Variants in EXOC6B observed in about 807,000 individuals in gnomAD.
EXOC6B encodes the protein SEC15 homolog B.
A neutral mutation model predicts 113.5 loss-of-function variants in EXOC6B; 54 were observed. The ratio of observed to expected loss-of-function variants is 0.48; its 90% confidence interval spans 0.38 to 0.60. The LOEUF (loss-of-function observed/expected upper bound fraction) is 0.60. EXOC6B is among the 20% of genes least tolerant of loss of function. The pLI is 0.00. For synonymous variants in EXOC6B, 357 were observed against 339.0 expected, an observed-to-expected ratio of 1.05 and a Z score of -0.58; for missense variants, 797 against 977.5, an observed-to-expected ratio of 0.82 and a Z score of 2.46.
chr2:72,622,723 A>T (rs1166910780), intron 6 of EXOC6B, among the ~76,000 whole-genome samples: 2 of 152,236 alleles, frequency 1.3e-5, no homozygotes, highest in East Asian at 3.9e-4. Context: ...AGTAAAAATT[A>T]AAAAAAGAGG....
At chr2:72,536,907 C>A (rs979998216) in intron 8 of EXOC6B, among the ~76,000 whole-genome samples, 1 of 152,168 alleles carries the variant, frequency 6.6e-6, no homozygotes, top group African/African-American at 2.4e-5. Flanking sequence ...GTATGAAGAA[C>A]CTATCTATGA....
intron 6 of EXOC6B, among the ~76,000 whole-genome samples, chr2:72,591,739 C>T (rs1705980034): frequency 6.6e-6 from 1 of 151,896 alleles, no homozygotes; most frequent in Non-Finnish European, 1.5e-5. Flanking sequence ...GTATTTAGTC[C>T]AGTAAAAATA....
chr2:72,588,264 A>G (rs1011255516), intron 6 of EXOC6B, among the ~76,000 whole-genome samples: 1 of 152,160 alleles, frequency 6.6e-6, no homozygotes, highest in Non-Finnish European at 1.5e-5. Flanking sequence ...AACAGCCAAG[A>G]GGTGAAAGCA....
chr2:72,339,079 G>T (rs149671953), intron 19 of EXOC6B, among the ~76,000 whole-genome samples: 106 of 152,010 alleles, frequency 7.0e-4, no homozygotes, highest in African/African-American at 2.5e-3. Flanking sequence ...GGATTGGTCT[G>T]TAAACCCAAA....
chr2:72,638,172 AT>A (rs1672979716), intron 6 of EXOC6B, among the ~76,000 whole-genome samples: 1 of 152,166 alleles, frequency 6.6e-6, no homozygotes, highest in Non-Finnish European at 1.5e-5. Context: ...AAAAGGAGAC[AT>A]TACAACCATT....
At chr2:72,320,581 TATC>T (rs1212406590) in intron 20 of EXOC6B, among the ~76,000 whole-genome samples, 1 of 152,096 alleles carries the variant, frequency 6.6e-6, no homozygotes, top group Non-Finnish European at 1.5e-5. Flanking sequence ...ACCCAAAACA[TATC>T]ATCATAGACC....
chr2:72,282,525 A>T (rs1297617171), intron 20 of EXOC6B, among the ~76,000 whole-genome samples: 1 of 152,094 alleles, frequency 6.6e-6, no homozygotes, highest in Non-Finnish European at 1.5e-5. Context: ...AAAGGGAGAA[A>T]CAGAAGTAGA....
chr2:72,773,180 G>A (rs1387920921), intron 1 of EXOC6B, among the ~76,000 whole-genome samples: 1 of 131,104 alleles, frequency 7.6e-6, no homozygotes, highest in Non-Finnish European at 1.5e-5. Flanking sequence ...AGGCTGGAGT[G>A]CAGTGGTGCA....
At chr2:72,688,497 C>T (rs1677245936) in intron 6 of EXOC6B, among the ~76,000 whole-genome samples, 1 of 152,006 alleles carries the variant, frequency 6.6e-6, no homozygotes, top group Non-Finnish European at 1.5e-5. Flanking sequence ...TATTTATACA[C>T]CAGCTTCCAT....
chr2:72,275,066 AT>A (rs1326979272), intron 20 of EXOC6B, among the ~76,000 whole-genome samples: 1 of 152,146 alleles, frequency 6.6e-6, no homozygotes, highest in African/African-American at 2.4e-5. Context: ...TGTCAAATAA[AT>A]CGTTTACAGT....
chr2:72,560,667 T>C (rs1358988805), intron 7 of EXOC6B, among the ~76,000 whole-genome samples: 2 of 152,216 alleles, frequency 1.3e-5, no homozygotes, highest in African/African-American at 2.4e-5. Context: ...TTCAAACTTA[T>C]TGACTATTCT....
intron 18 of EXOC6B, among the ~76,000 whole-genome samples, chr2:72,401,516 CATATAT>C (rs1269664142): frequency 0.05 from 1,031 of 20,504 alleles, 174 homozygotes; most frequent in African/African-American, 0.36. Context: ...TATATATATA[CATATAT>C]ACATATATAT....
intron 2 of EXOC6B, among the ~76,000 whole-genome samples, chr2:72,735,693 A>C (rs1053720593): frequency 6.6e-6 from 1 of 151,496 alleles, no homozygotes; most frequent in Admixed American, 6.6e-5. Context: ...GTGCATGCCT[A>C]GAATCCCAGC....
chr2:72,749,869 G>T (rs1681929118), intron 1 of EXOC6B, among the ~76,000 whole-genome samples: 1 of 151,628 alleles, frequency 6.6e-6, no homozygotes. Flanking sequence ...GATTTAATGT[G>T]GACTTAACAA....
At chr2:72,248,233 T>C (rs1364487674) in intron 20 of EXOC6B, among the ~76,000 whole-genome samples, 1 of 152,238 alleles carries the variant, frequency 6.6e-6, no homozygotes, top group Non-Finnish European at 1.5e-5. Context: ...TATAAGTACC[T>C]ACACTATCCT....
chr2:72,352,976 T>C (rs1003440155), intron 19 of EXOC6B, among the ~76,000 whole-genome samples: 7 of 152,170 alleles, frequency 4.6e-5, no homozygotes, highest in African/African-American at 1.7e-4. Flanking sequence ...ATATATTAAA[T>C]GTACCAGTGT....
intron 20 of EXOC6B, among the ~76,000 whole-genome samples, chr2:72,220,335 T>C (rs1206628621): frequency 6.6e-6 from 1 of 152,132 alleles, no homozygotes; most frequent in Non-Finnish European, 1.5e-5. Context: ...CCCAAGCAGA[T>C]GTGTTGCTCT....
intron 20 of EXOC6B, among the ~76,000 whole-genome samples, chr2:72,234,078 C>T (rs947497391): frequency 1.2e-4 from 18 of 144,578 alleles, no homozygotes; most frequent in African/African-American, 2.7e-4. Context: ...GAAGCTGGAC[C>T]GCCTCTTTTT....
intron 20 of EXOC6B, among the ~76,000 whole-genome samples, chr2:72,268,178 T>C (rs1684254053): frequency 6.6e-6 from 1 of 152,216 alleles, no homozygotes; most frequent in Non-Finnish European, 1.5e-5. Context: ...TGGCATGATC[T>C]TGGCTCACTG....
Sources: gnomAD v4.1 joint callset for allele counts (sites outside exome capture counted in the v4.1 genomes callset) on GRCh38, gnomAD v4.1.1 for gene constraint, MANE v1.5 for transcripts, NCBI Gene and HGNC (gene_info 2026-07-23, HGNC 2026-07-21) for gene names.